POLD3: variants seen among roughly 807,000 people sequenced by gnomAD.
POLD3 encodes the protein DNA polymerase delta 3, accessory subunit, also known as DNA polymerase delta subunit 3.
Under a neutral mutation model 58.2 loss-of-function variants are expected in POLD3, and 19 were observed. The observed-to-expected ratio is 0.33, with a 90% confidence interval of 0.23 to 0.48. POLD3 has a LOEUF of 0.48. POLD3 is among the 20% of genes least tolerant of loss of function. The pLI, the probability that POLD3 is intolerant of heterozygous loss-of-function variation, is 0.99. For synonymous variants in POLD3, 172 were observed against 193.5 expected (o/e 0.89, Z 0.92); for missense variants, 504 against 545.5 (o/e 0.92, Z 0.76).
Position 74,611,553 on chromosome 11 carries a change from G to T in POLD3, c.259+15G>T. On this transcript the variant is annotated intron_variant, in intron 4 of 11. Transcript: ENST00000263681. The stretch of plus-strand genomic sequence containing the variant: ...TAAATTGGAAGGTAAGTGTTTTAGT[G>T]ACTTAGCAAGTTTTTCCTCTTATGG... 1.3e-6 allele frequency: 2 copies of T among 1,508,116 alleles called. No homozygotes were observed. The highest frequency in any genetic ancestry group is 1.2e-5 in the South Asian group (1 of 85,728). 93.4% of individuals were successfully genotyped at this position (1,508,116 alleles called of 1,614,324 possible).
chr11:74,668,707 G>C (rs909540508), intron 4 of POLD3: 23 of 1,101,738 alleles, frequency 2.1e-5, no homozygotes, highest in African/African-American at 6.4e-5. Flanking sequence ...GGGAGAATGG[G>C]GTTAGGGGGT....
intron 2 of POLD3, 143 bp downstream of exon 2, chr11:74,594,259 CT>C (rs2031143629): frequency 1.6e-6 from 1 of 615,572 alleles, no homozygotes; most frequent in East Asian, 2.8e-5. Context: ...TGGCTTGTAG[CT>C]GCGTAATTCC....
chr11:74,656,339 G>C (rs7128944), intron 4 of POLD3, among the ~76,000 whole-genome samples: 124,033 of 151,660 alleles, frequency 0.82, 50,891 homozygotes, highest in Middle Eastern at 0.94. Context: ...CTGTAATCCC[G>C]CCACTTTGGG....
At chr11:74,631,524 G>A (rs1288028215) in intron 9 of POLD3, among the ~76,000 whole-genome samples, 1 of 134,954 alleles carries the variant, frequency 7.4e-6, no homozygotes, top group Non-Finnish European at 1.5e-5. Flanking sequence ...CTGTCGCCCA[G>A]GCTGGAGTGC....
chr11:74,612,471 G>A (rs1233590046), intron 4 of POLD3, among the ~76,000 whole-genome samples: 1 of 152,172 alleles, frequency 6.6e-6, no homozygotes, highest in Non-Finnish European at 1.5e-5. Context: ...TTTTATTACA[G>A]AGTTGCTTTC....
At chr11:74,605,573 G>A (rs1395451555) in intron 3 of POLD3, among the ~76,000 whole-genome samples, 1 of 152,044 alleles carries the variant, frequency 6.6e-6, no homozygotes, top group African/African-American at 2.4e-5. Context: ...TACCTCTTCT[G>A]TTCTCACTTC....
intron 9 of POLD3, among the ~76,000 whole-genome samples, chr11:74,633,551 G>A (rs1462628421): frequency 1.3e-5 from 2 of 152,206 alleles, no homozygotes; most frequent in Non-Finnish European, 2.9e-5. Flanking sequence ...TTTGAATACA[G>A]CCAGGAGATT....
At chr11:74,604,851 A>G (rs1186495262) in intron 3 of POLD3, 57 bp downstream of exon 3, 8 of 942,876 alleles carry the variant, frequency 8.5e-6, no homozygotes, top group Non-Finnish European at 1.4e-5. Flanking sequence ...GAAGAGTGTT[A>G]TAACATAGTT....
At chr11:74,609,683 T>C (rs2031840882) in intron 3 of POLD3, among the ~76,000 whole-genome samples, 1 of 151,974 alleles carries the variant, frequency 6.6e-6, no homozygotes, top group Non-Finnish European at 1.5e-5. Flanking sequence ...GCCTGGCCTG[T>C]TGTATATATT....
Position 74,642,740 on chromosome 11 carries a change from A to G in POLD3, c.*1974A>G. 7 of 984,002 alleles carry G rather than the reference A, an allele frequency of 7.1e-6. No homozygotes were observed. The highest frequency in any genetic ancestry group is 8.4e-6 in the Non-Finnish European group (7 of 828,660). 61.0% of individuals were successfully genotyped at this position (984,002 alleles called of 1,614,324 possible). On this transcript the variant is annotated 3_prime_UTR_variant, in exon 12 of 12. Transcript: ENST00000263681. Reference sequence around the variant, plus strand: ...TGTTTTAAAACAGTGCTTCAAACTGAGTATCTGATGAGTCTCTTATTTGAT... The same window carrying G: ...TGTTTTAAAACAGTGCTTCAAACTGGGTATCTGATGAGTCTCTTATTTGAT...
intron 4 of POLD3, among the ~76,000 whole-genome samples, chr11:74,663,264 G>T: frequency 6.6e-6 from 1 of 152,228 alleles, no homozygotes; most frequent in Non-Finnish European, 1.5e-5. Context: ...CACATTTGTA[G>T]ATTGGAAGAA....
chr11:74,667,225 A>G (rs1591332796), intron 4 of POLD3, among the ~76,000 whole-genome samples: 1 of 152,226 alleles, frequency 6.6e-6, no homozygotes, highest in South Asian at 2.1e-4. Flanking sequence ...TGTTCTTAAC[A>G]CTACTGAACT....
intron 3 of POLD3, among the ~76,000 whole-genome samples, chr11:74,607,655 T>C (rs1047470727): frequency 6.6e-6 from 1 of 151,746 alleles, no homozygotes; most frequent in Non-Finnish European, 1.5e-5. Context: ...AATCTCGGCT[T>C]ACTGTAGCCT....
Position 74,625,386 on chromosome 11 carries a change from G to A in POLD3, c.734-22G>A, listed in dbSNP as rs372793176. The A allele has an allele frequency of 1.5e-4, 233 of 1,574,336 alleles. 2 individuals carry two copies. The Middle Eastern group carries it at 2.9e-3, about 20-fold the overall frequency. On this transcript the variant is annotated intron_variant, in intron 7 of 11. Coordinates refer to ENST00000263681, the MANE Select transcript of POLD3 (RefSeq NM_006591.3). ...ATATTGCATGATGGGGTCATATGTC[G>A]TCTGCTATACTTTATTTATAGATAA...
intron 4 of POLD3, among the ~76,000 whole-genome samples, chr11:74,651,673 C>A (rs2033070426): frequency 1.3e-5 from 2 of 151,996 alleles, no homozygotes; most frequent in South Asian, 4.2e-4. Flanking sequence ...GTTGACCAGG[C>A]AAAGATGGTA....
intron 4 of POLD3, among the ~76,000 whole-genome samples, chr11:74,650,600 G>A (rs1464528298): frequency 6.6e-6 from 1 of 152,198 alleles, no homozygotes; most frequent in East Asian, 1.9e-4. Flanking sequence ...TTGGGCTATA[G>A]TCACGCCTGC....
At chr11:74,650,208 T>C (rs1208075133) in intron 4 of POLD3, among the ~76,000 whole-genome samples, 1 of 152,240 alleles carries the variant, frequency 6.6e-6, no homozygotes, top group Non-Finnish European at 1.5e-5. Context: ...CTAATTTTTT[T>C]GCCAACTAAC....
At chr11:74,633,559 AT>A (rs1487380354) in intron 9 of POLD3, among the ~76,000 whole-genome samples, 4 of 152,198 alleles carry the variant, frequency 2.6e-5, no homozygotes, top group Non-Finnish European at 5.9e-5. Flanking sequence ...CAGCCAGGAG[AT>A]TCAGGGAGCA....
rs375020444 is a variant in POLD3, at chr11:74,634,636, C to T, written c.1060C>T (p.Pro354Ser). The T allele has an allele frequency of 7.2e-5, 116 of 1,613,450 alleles. No individual in the cohort carries two copies. The highest frequency in any genetic ancestry group is 9.2e-5 in the Non-Finnish European group (108 of 1,179,518). The change falls in exon 10 of 12, where the codon CCT becomes TCT. Residue 354 changes from proline to serine, a missense_variant. Physicochemically the swap from Pro to Ser is moderately conservative, Grantham distance 74. Transcript: ENST00000263681. Reference protein sequence around the residue: ...YEAESPSPPPPPSPPLEPVPK... With the variant: ...YEAESPSPPPSPSPPLEPVPK... Reference sequence around the variant, plus strand: ...AGCTGAGTCACCATCCCCACCTCCTCCTCCGTCTCCACCTCTTGAACCAGT... The same window carrying T: ...AGCTGAGTCACCATCCCCACCTCCTTCTCCGTCTCCACCTCTTGAACCAGT...
Sources: allele counts gnomAD v4.1 joint callset (sites outside exome capture counted in the v4.1 genomes callset), GRCh38; gene constraint gnomAD v4.1.1; transcripts MANE v1.5; gene names NCBI Gene and HGNC (gene_info 2026-07-23, HGNC 2026-07-21).